The following MESP1 variants were observed in gnomAD, a reference collection of about 807,000 sequenced individuals.
MESP1 encodes mesoderm posterior protein 1.
MESP1 carries 22 observed loss-of-function variants against 15.2 expected under a neutral mutation model. The observed-to-expected ratio is 1.45, with a 90% CI of 1.04 to 2.07. The LOEUF (loss-of-function observed/expected upper bound fraction) is 2.07. Among genes scored for constraint, MESP1 ranks in the 30% most tolerant of loss-of-function variants. The pLI is 0.00. For synonymous variants in MESP1, 216 were observed against 192.6 expected (o/e 1.12, Z -1.01); for missense variants, 484 against 411.9 (o/e 1.17, Z -1.51).
chr15:89,736,060 T>C, the MESP1 span, among the ~76,000 whole-genome samples: 279 of 152,304 alleles, frequency 1.8e-3, no homozygotes, highest in African/African-American at 6.5e-3. Context: ...TGGAAGGTCC[T>C]GTACACTGCG....
chr15:89,736,760 G>A, the MESP1 span, among the ~76,000 whole-genome samples: 1 of 151,720 alleles, frequency 6.6e-6, no homozygotes, highest in Non-Finnish European at 1.5e-5. Flanking sequence ...AAAGTGGTGT[G>A]GCAGCTGGAG....
rs774227840 is a variant in MESP1, at chr15:89,750,217, C to A, written c.734G>T (p.Gly245Val). ...EPSPPSPLLPGDVLALLETWM... is the reference protein window; with the variant it reads ...EPSPPSPLLPVDVLALLETWM... Reference sequence around the variant, plus strand: ...GGTCTCCAACAGAGCCAGCACGTCGCCCGGAAGGAGCTGTAGGGAGAGACG... The same window carrying A: ...GGTCTCCAACAGAGCCAGCACGTCGACCGGAAGGAGCTGTAGGGAGAGACG... Residue 245 changes from glycine (G) to valine (V), a missense_variant, in exon 2 of 2, where the codon GGC (glycine) becomes GTC (valine). Transcript: ENST00000300057. 9 of 1,614,084 alleles carry A rather than the reference C, an allele frequency of 5.6e-6. No homozygotes were observed. The South Asian group carries it at 8.8e-5, about 16-fold the overall frequency.
chr15:89,738,066 C>G, the MESP1 span: 1,229 of 1,612,724 alleles, frequency 7.6e-4, 4 homozygotes, highest in Middle Eastern at 2.1e-3. Flanking sequence ...AAACTGCGTC[C>G]ACCGACGATG....
chr15:89,750,086 G>A lies in MESP1; in HGVS notation c.*58C>T, dbSNP rs1040871067. 2 of 1,508,854 alleles carry A rather than the reference G, an allele frequency of 1.3e-6. No individual in the cohort carries two copies. The highest frequency in any genetic ancestry group is 1.7e-5 in the Admixed American group (1 of 59,866). The allele number at this position is 1,508,854 out of a possible 1,614,324, so 93.5% of individuals were successfully genotyped here. A position where few individuals can be genotyped will look rare whatever the true frequency, so the allele number is the denominator to read the frequency against. ...AGGCAGTCTGCCAAGGAACCACTTC[G>A]AAGGTGCTGAGGCCAAAAAGCCTCG... On this transcript the variant is annotated 3_prime_UTR_variant, in exon 2 of 2. Transcript: ENST00000300057.
the MESP1 span, among the ~76,000 whole-genome samples, chr15:89,732,615 CCACACACACACA>C: frequency 1.3e-5 from 2 of 148,462 alleles, no homozygotes; most frequent in Non-Finnish European, 3.0e-5. Flanking sequence ...TGTTGTTTGG[CCACACACACACA>C]CACACACACA....
At chr15:89,749,851 G>A (rs747724545), downstream of MESP1, 14 of 364,296 alleles carry the variant, frequency 3.8e-5, no homozygotes, top group South Asian at 1.0e-4. Flanking sequence ...CTGTGTCCAC[G>A]GGTAGGAAGA....
downstream of MESP1, among the ~76,000 whole-genome samples, chr15:89,746,323 GCATCCACACCTCCACA>G (rs1234164637): frequency 5.6e-5 from 7 of 123,900 alleles, no homozygotes; most frequent in African/African-American, 2.4e-4. Flanking sequence ...TATCCACACA[GCATCCACACCTCCACA>G]CATCCACACA....
At chr15:89,741,835 T>C in the MESP1 span, among the ~76,000 whole-genome samples, 2 of 152,046 alleles carry the variant, frequency 1.3e-5, no homozygotes, top group East Asian at 3.9e-4. Flanking sequence ...CACTGCAACC[T>C]CTGCCTCCCA....
the MESP1 span, chr15:89,737,432 T>C: frequency 8.7e-7 from 1 of 1,148,140 alleles, no homozygotes; most frequent in Admixed American, 2.2e-5. Context: ...CCAGCAGCCC[T>C]GGATGGATCC....
the MESP1 span, chr15:89,733,155 G>A: frequency 2.0e-5 from 32 of 1,613,998 alleles, no homozygotes; most frequent in South Asian, 5.5e-5. Context: ...GTGCACAGAC[G>A]CCTCCCTCCA....
the MESP1 span, among the ~76,000 whole-genome samples, chr15:89,742,403 A>T: frequency 6.7e-6 from 1 of 150,192 alleles, no homozygotes; most frequent in Non-Finnish European, 1.5e-5. Context: ...CCCTACCACA[A>T]CCCCACTGAC....
chr15:89,745,938 T>C, downstream of MESP1, among the ~76,000 whole-genome samples: 1 of 96,794 alleles, frequency 1.0e-5, no homozygotes, highest in African/African-American at 3.8e-5. The surrounding 1 kb of genome is among the most constrained non-coding windows in gnomAD (Gnocchi z 4.8). Flanking sequence ...CCCAACAGGA[T>C]CCACACACCA....
At chr15:89,733,098 A>G in the MESP1 span, 4 of 1,614,064 alleles carry the variant, frequency 2.5e-6, no homozygotes, top group Non-Finnish European at 3.4e-6. Context: ...AGGACAGAAT[A>G]TGTATCCTGA....
At chr15:89,743,246 G>C in the MESP1 span, 7 of 1,601,964 alleles carry the variant, frequency 4.4e-6, no homozygotes, top group Non-Finnish European at 6.0e-6. Flanking sequence ...TCGGGAGCTG[G>C]GGAAGTGAGA....
the MESP1 span, among the ~76,000 whole-genome samples, chr15:89,737,384 C>T: frequency 6.6e-6 from 1 of 152,178 alleles, no homozygotes; most frequent in Non-Finnish European, 1.5e-5. Flanking sequence ...GGTCTGTTGG[C>T]TGAGGGGGAC....
At position 89,750,358 on chromosome 15, in the gene MESP1, C is replaced by A. The variant is rs1968059502; in HGVS notation, c.724-131G>T. On this transcript the variant is annotated intron_variant, in intron 1 of 1. Coordinates refer to ENST00000300057, the MANE Select transcript of MESP1 (RefSeq NM_018670.4). ...CAGTCCTCTGCGTGGCCTTTCCCTG[C>A]CTTCGCTTCTTGGAGCCCTGGGCAT... 1.2e-5 allele frequency: 18 copies of A among 1,496,898 alleles called. 1 individual carries two copies. In the East Asian group the frequency reaches 3.9e-4, roughly 32 times the overall value. 92.7% of individuals were successfully genotyped at this position (1,496,898 alleles called of 1,614,324 possible). A position where few individuals can be genotyped will look rare whatever the true frequency, so the allele number is the denominator to read the frequency against.
chr15:89,735,748 A>G, the MESP1 span, among the ~76,000 whole-genome samples: 1 of 152,238 alleles, frequency 6.6e-6, no homozygotes, highest in Non-Finnish European at 1.5e-5. Context: ...AAGACAGAGA[A>G]GTCACCAGGC....
chr15:89,741,679 C>T, the MESP1 span, among the ~76,000 whole-genome samples: 1 of 152,138 alleles, frequency 6.6e-6, no homozygotes, highest in African/African-American at 2.4e-5. Context: ...GGTTCTGAGA[C>T]AGTGAAGGAA....
chr15:89,735,444 T>C, the MESP1 span: 49 of 1,592,868 alleles, frequency 3.1e-5, no homozygotes, highest in Non-Finnish European at 4.1e-5. Context: ...TCAAAACTTT[T>C]AAACTCTTAA....
Sources: gnomAD v4.1 joint callset for allele counts (sites outside exome capture counted in the v4.1 genomes callset) on GRCh38, gnomAD v4.1.1 for gene constraint, Gnocchi (gnomAD v3.1) non-coding constraint, MANE v1.5 for transcripts, NCBI Gene and HGNC (gene_info 2026-07-23, HGNC 2026-07-21) for gene names.